The following GYPC variants were observed in gnomAD, a reference collection of about 807,000 sequenced individuals.
The protein encoded by GYPC is glycophorin C (Gerbich blood group).
A neutral mutation model predicts 12.6 loss-of-function variants in GYPC; 14 were observed. The observed-to-expected ratio is 1.11, with a 90% CI of 0.74 to 1.74. The LOEUF (loss-of-function observed/expected upper bound fraction) is 1.74. Among genes scored for constraint, GYPC ranks in the 40% most tolerant of loss-of-function variants. The probability of loss-of-function intolerance (pLI) is 0.00; values close to 1 mark genes in which losing one functional copy is unlikely to be tolerated. For synonymous variants in GYPC, 78 were observed against 62.1 expected (o/e 1.26, Z -1.20); for missense variants, 225 against 172.1 (o/e 1.31, Z -1.72).
chr2:126,689,116 T>G (rs535568403), intron 1 of GYPC, among the ~76,000 whole-genome samples: 28 of 152,266 alleles, frequency 1.8e-4, no homozygotes, highest in African/African-American at 6.5e-4. Context: ...CTCAGTAACT[T>G]GGATAATGTC....
chr2:126,672,545 C>A (rs1419329856), intron 1 of GYPC, among the ~76,000 whole-genome samples: 2 of 152,158 alleles, frequency 1.3e-5, no homozygotes, highest in African/African-American at 2.4e-5. Flanking sequence ...CCCCTGTCCC[C>A]TCAGCACCTG....
intron 1 of GYPC, chr2:126,686,628 T>A (rs1683298913): frequency 1.0e-6 from 1 of 982,838 alleles, no homozygotes. Flanking sequence ...AGCCTGAACG[T>A]GTGGAGCTTC....
chr2:126,682,158 A>G (rs1283936642), intron 1 of GYPC, among the ~76,000 whole-genome samples: 3 of 152,202 alleles, frequency 2.0e-5, no homozygotes, highest in Non-Finnish European at 4.4e-5. Context: ...TCCTCAGAAC[A>G]CCTGCACACA....
At chr2:126,669,583 C>T (rs2104778918) in intron 1 of GYPC, among the ~76,000 whole-genome samples, 1 of 152,294 alleles carries the variant, frequency 6.6e-6, no homozygotes, top group South Asian at 2.1e-4. Flanking sequence ...TTTCTTATTT[C>T]AGAATCCTGG....
intron 1 of GYPC, among the ~76,000 whole-genome samples, chr2:126,664,128 A>T (rs1682617716): frequency 1.3e-5 from 2 of 152,194 alleles, no homozygotes; most frequent in African/African-American, 4.8e-5. Context: ...CAACTTCGGC[A>T]AAACTTCTCA....
intron 1 of GYPC, among the ~76,000 whole-genome samples, chr2:126,664,037 C>T (rs1406098945): frequency 6.7e-6 from 1 of 149,764 alleles, no homozygotes; most frequent in Non-Finnish European, 1.5e-5. Flanking sequence ...CCAGCTTTTC[C>T]AGGTCCCAAA....
At chr2:126,691,917 C>A (rs1252386388) in intron 2 of GYPC, among the ~76,000 whole-genome samples, 2 of 152,128 alleles carry the variant, frequency 1.3e-5, no homozygotes, top group South Asian at 2.1e-4. Context: ...CCTACTTAAG[C>A]AAGGTGTTAT....
intron 2 of GYPC, among the ~76,000 whole-genome samples, chr2:126,691,611 A>G (rs780240309): frequency 6.6e-6 from 1 of 152,120 alleles, no homozygotes; most frequent in Non-Finnish European, 1.5e-5. Context: ...TTCCCCCTGT[A>G]TAGTGTACAT....
At chr2:126,690,948 G>A (rs976182785) in intron 2 of GYPC, among the ~76,000 whole-genome samples, 1 of 151,930 alleles carries the variant, frequency 6.6e-6, no homozygotes, top group African/African-American at 2.4e-5. Flanking sequence ...TCTACAATTT[G>A]AAAAGAAAGA....
intron 1 of GYPC, among the ~76,000 whole-genome samples, chr2:126,666,005 C>T (rs1008268386): frequency 6.6e-6 from 1 of 152,182 alleles, no homozygotes; most frequent in African/African-American, 2.4e-5. Context: ...CAGATCGTTA[C>T]AGCCCTGAGG....
At chr2:126,673,298 C>T (rs866188166) in intron 1 of GYPC, among the ~76,000 whole-genome samples, 1 of 152,120 alleles carries the variant, frequency 6.6e-6, no homozygotes, top group Admixed American at 6.5e-5. Context: ...AGTTGGCCCC[C>T]GGGCATCTGT....
chr2:126,673,715 C>T (rs908617197), intron 1 of GYPC, among the ~76,000 whole-genome samples: 1 of 152,180 alleles, frequency 6.6e-6, no homozygotes, highest in African/African-American at 2.4e-5. Context: ...CTTTAGGTAC[C>T]ATAATTTTAA....
At chr2:126,689,360 C>T (rs1683386432) in intron 1 of GYPC, among the ~76,000 whole-genome samples, 1 of 152,144 alleles carries the variant, frequency 6.6e-6, no homozygotes, top group Admixed American at 6.5e-5. Context: ...ACACCAGGCA[C>T]CTCATAGGAT....
intron 1 of GYPC, among the ~76,000 whole-genome samples, chr2:126,660,494 A>G (rs2104768136): frequency 6.6e-6 from 1 of 152,312 alleles, no homozygotes; most frequent in South Asian, 2.1e-4. Flanking sequence ...TCCCAAGCCT[A>G]GAAAACGACC....
intron 3 of GYPC, 120 bp downstream of exon 3, chr2:126,694,067 T>C (rs1444855533): frequency 1.9e-5 from 14 of 741,566 alleles, no homozygotes; most frequent in Non-Finnish European, 3.5e-5. Context: ...TTTCTCTCCC[T>C]CAGAGGTGGT....
intron 1 of GYPC, among the ~76,000 whole-genome samples, chr2:126,674,468 CAGGCTCGGCA>C (rs1359076802): frequency 6.6e-6 from 1 of 151,804 alleles, no homozygotes; most frequent in Non-Finnish European, 1.5e-5. Context: ...GGGGGGAATA[CAGGCTCGGCA>C]AGGCCGCGGG....
chr2:126,675,019 A>T (rs1682956929), intron 1 of GYPC, among the ~76,000 whole-genome samples: 1 of 152,162 alleles, frequency 6.6e-6, no homozygotes, highest in African/African-American at 2.4e-5. Flanking sequence ...GTAGAAAAGG[A>T]CCTGAACATG....
chr2:126,682,773 A>T (rs1352695894), intron 1 of GYPC, among the ~76,000 whole-genome samples: 1 of 152,178 alleles, frequency 6.6e-6, no homozygotes, highest in Non-Finnish European at 1.5e-5. Context: ...CGTTGTCTTA[A>T]GCCTGAGCTT....
At chr2:126,656,495 T>C (rs1340424594) in intron 1 of GYPC, among the ~76,000 whole-genome samples, 183 bp downstream of exon 1, 1 of 152,192 alleles carries the variant, frequency 6.6e-6, no homozygotes, top group Non-Finnish European at 1.5e-5. Context: ...GCGCCTGGGC[T>C]GCGCGGAGTC....
Sources: allele counts gnomAD v4.1 joint callset (sites outside exome capture counted in the v4.1 genomes callset), GRCh38; gene constraint gnomAD v4.1.1; transcripts MANE v1.5; gene names NCBI Gene and HGNC (gene_info 2026-07-23, HGNC 2026-07-21).